DAPK3: variants seen among roughly 807,000 people sequenced by gnomAD.
DAPK3 encodes death associated protein kinase 3, also known as death-associated protein kinase 3.
Under a neutral mutation model 30.6 loss-of-function variants are expected in DAPK3, and 24 were observed. The observed-to-expected ratio is 0.78, with a 90% confidence interval of 0.57 to 1.10. DAPK3 has a LOEUF of 1.10. DAPK3 is among the 50% of genes least tolerant of loss of function. The pLI is 0.00. For missense variants in DAPK3, 629 were observed against 657.3 expected (o/e 0.96, Z 0.47); for synonymous variants, 341 against 284.0 (o/e 1.20, Z -2.02).
chr19:3,967,133 G>A (rs2039586465), intron 2 of DAPK3, among the ~76,000 whole-genome samples: 1 of 152,304 alleles, frequency 6.6e-6, no homozygotes, highest in Middle Eastern at 3.4e-3. Flanking sequence ...AATTTCTACT[G>A]ATAGAGTTCA....
chr19:3,962,491 G>C (rs1351553546), intron 6 of DAPK3, among the ~76,000 whole-genome samples: 1 of 152,154 alleles, frequency 6.6e-6, no homozygotes, highest in African/African-American at 2.4e-5. Context: ...TTAAAAATTA[G>C]CCAGCTGGGC....
Position 3,965,005 on chromosome 19 carries a change from AG to A in DAPK3, c.63-15del. 6.8e-7 allele frequency: 1 copy of A among 1,470,610 alleles called. No individual in the cohort carries two copies. The highest frequency in any genetic ancestry group is 9.4e-7 in the Non-Finnish European group (1 of 1,062,234). 91.1% of individuals were successfully genotyped at this position (1,470,610 alleles called of 1,614,324 possible). A position where few individuals can be genotyped will look rare whatever the true frequency, so the allele number is the denominator to read the frequency against. ...GCAAACTGGCCGCTGGAGGAGGGGG[AG>A]GGAGTGAGTGGGGGTGGAGGAGGCG... On this transcript the variant is annotated splice_polypyrimidine_tract_variant and intron_variant, in intron 2 of 8. Transcript: ENST00000545797.
In DAPK3 at chr19:3,964,337, T is replaced by TGGGCA; in HGVS notation, c.455_459dup (p.Asn154CysfsTer38). The TGGGCA allele has an allele frequency of 2.5e-6, 4 of 1,613,524 alleles. No individual in the cohort carries two copies. Among genetic ancestry groups the TGGGCA allele is most frequent in the Non-Finnish European group, 3.4e-6 (4 of 1,179,486 alleles). ...AAGTCGATGAGCTTGATTCGTGGGT[T>TGGGCA]GGGCACGTTCTTGTCCAGCAGCATG... On this transcript the variant is annotated frameshift_variant, in exon 4 of 9. Coordinates refer to ENST00000545797, the MANE Select transcript of DAPK3 (RefSeq NM_001348.3). LOFTEE classifies it high-confidence loss of function.
chr19:3,961,748 A>G (rs1268397703), intron 6 of DAPK3: 1 of 335,658 alleles, frequency 3.0e-6, no homozygotes, highest in Middle Eastern at 1.1e-3. Flanking sequence ...CAGACAGAGG[A>G]ACAGCCTCAG....
At position 3,965,002 on chromosome 19, in the gene DAPK3, GGGAGGGAGTGAGTGGGGGTGGAGGAGGC is replaced by G. The variant is rs781629088; in HGVS notation, c.63-39_63-12del. On this transcript the variant is annotated splice_polypyrimidine_tract_variant and intron_variant, in intron 2 of 8. Coordinates refer to ENST00000545797, the MANE Select transcript of DAPK3 (RefSeq NM_001348.3). ...ATCGCAAACTGGCCGCTGGAGGAGG[GGGAGGGAGTGAGTGGGGGTGGAGGAGGC>G]GGAGGGAGTAAGTGGGGGTGGCTGG... 1.5e-5 allele frequency: 23 copies of G among 1,550,296 alleles called. No individual in the cohort carries two copies. Among genetic ancestry groups the G allele is most frequent in the South Asian group, 1.2e-4 (11 of 89,050 alleles).
At position 3,959,930 on chromosome 19, in the gene DAPK3, C is replaced by G. The variant is rs550920826; in HGVS notation, c.828+129G>C. 143 of 745,492 alleles carry G rather than the reference C, an allele frequency of 1.9e-4. No individual in the cohort carries two copies. The East Asian group carries it at 2.6e-3, about 13-fold the overall frequency. The allele number at this position is 745,492 out of a possible 1,614,324, so 46.2% of individuals were successfully genotyped here. On this transcript the variant is annotated intron_variant, in intron 8 of 8. Transcript: ENST00000545797. ...CCAACCCCCGCCACACAGGCTCACT[C>G]CTCTGGGGACCCTCCCCAGCCACTG...
chr19:3,961,112 T>C lies in DAPK3; in HGVS notation c.679A>G (p.Thr227Ala). ...FLGETKQETLTNISAVNYDFD... is the reference protein window; with the variant it reads ...FLGETKQETLANISAVNYDFD... ...TCGTAGTTCACGGCTGAGATGTTGG[T>C]GAGCGTCTCCTGCTTGGTCTCGCCC... Residue 227 changes from threonine (T) to alanine (A), a missense_variant, in exon 7 of 9, where the codon ACC becomes GCC. By Grantham distance (58) the Thr-to-Ala change is moderately conservative. Coordinates refer to ENST00000545797, the MANE Select transcript of DAPK3 (RefSeq NM_001348.3). The C allele has an allele frequency of 6.2e-7, 1 of 1,613,394 alleles. No homozygotes were observed. The highest frequency in any genetic ancestry group is 8.5e-7 in the Non-Finnish European group (1 of 1,179,678).
intron 8 of DAPK3, 38 bp from the exon 9 acceptor site, chr19:3,959,675 G>A (rs1568189760): frequency 3.3e-6 from 5 of 1,507,528 alleles, no homozygotes; most frequent in South Asian, 1.3e-5. Context: ...TCCCCGCGAT[G>A]CCACCCAGCC....
Position 3,960,093 on chromosome 19 carries a change from G to A in DAPK3, c.794C>T (p.Thr265Ile). Residue 265 changes from threonine to isoleucine, a missense_variant, in exon 8 of 9, where the codon ACC becomes ATC. Coordinates refer to ENST00000545797, the MANE Select transcript of DAPK3 (RefSeq NM_001348.3). Reference sequence around the variant, plus strand: ...GGAATGTTCCAGGCTCTGGGCAATGGTCATTCTCCGCCTGGAAGACCCCCG... The same window carrying A: ...GGAATGTTCCAGGCTCTGGGCAATGATCATTCTCCGCCTGGAAGACCCCCG... ...LLVKDPKRRM[T>I]IAQSLEHSWI... The A allele has an allele frequency of 5.1e-6, 8 of 1,562,228 alleles. No individual in the cohort carries two copies. Among genetic ancestry groups the A allele is most frequent in the Non-Finnish European group, 7.1e-6 (8 of 1,133,090 alleles).
In DAPK3 at chr19:3,963,663, G is replaced by C; in HGVS notation, c.609C>G (p.Ile203Met). Residue 203 changes from isoleucine (I) to methionine (M), a missense_variant, in exon 6 of 9, where the codon ATC becomes ATG. Physicochemically the swap from Ile to Met is conservative, Grantham distance 10 (BLOSUM62 1). Coordinates refer to ENST00000545797, the MANE Select transcript of DAPK3 (RefSeq NM_001348.3). ...PLGLEADMWS[I>M]GVITYILLSG... is the part of the protein sequence containing the mutation. ...CTCACAGGATATAGGTGATGACACC[G>C]ATGCTCCTGGGGACAGACAAGAGGC... The C allele has an allele frequency of 2.0e-6, 3 of 1,533,924 alleles. No homozygotes were observed. Among genetic ancestry groups the C allele is most frequent in the Non-Finnish European group, 2.6e-6 (3 of 1,141,342 alleles).
chr19:3,962,663 G>A (rs1672549412), intron 6 of DAPK3, among the ~76,000 whole-genome samples: 1 of 152,012 alleles, frequency 6.6e-6, no homozygotes, highest in African/African-American at 2.4e-5. Flanking sequence ...TGTAATCCCA[G>A]CTACTTGGGA....
rs2039627904 is a variant in DAPK3, at chr19:3,970,976, C to G, written c.-150G>C. The G allele has an allele frequency of 6.5e-6, 1 of 153,250 alleles. No homozygotes were observed. Among genetic ancestry groups the G allele is most frequent in the African/African-American group, 2.4e-5 (1 of 41,470 alleles). 9.5% of individuals were successfully genotyped at this position (153,250 alleles called of 1,614,324 possible). ...CTCCGCGGGCCCCCGAAGCGCCGCT[C>G]TGGCCCCACCCAGCCCTCCAGCCTC... On this transcript the variant is annotated 5_prime_UTR_variant, in exon 1 of 9. Coordinates refer to ENST00000545797, the MANE Select transcript of DAPK3 (RefSeq NM_001348.3).
rs2039551779 is a variant in DAPK3 at position 3,964,347 on chromosome 19, C to T, written c.450G>A (p.Lys150=). The change falls in exon 4 of 9, where the codon AAG becomes AAA. Residue 150 remains lysine, a synonymous_variant. Coordinates refer to ENST00000545797, the MANE Select transcript of DAPK3 (RefSeq NM_001348.3). ...GCTTGATTCGTGGGTTGGGCACGTTCTTGTCCAGCAGCATGATGTTTTCCG... is the reference window on the plus strand; with the variant it reads ...GCTTGATTCGTGGGTTGGGCACGTTTTTGTCCAGCAGCATGATGTTTTCCG... ...LKPENIMLLD[K]NVPNPRIKLI... 1 of 1,613,514 alleles carries T rather than the reference C, an allele frequency of 6.2e-7. No homozygotes were observed. The highest frequency in any genetic ancestry group is 1.7e-5 in the Admixed American group (1 of 60,014).
In DAPK3 at chr19:3,959,574, T is replaced by C. The variant is rs1239907738; in HGVS notation, c.892A>G (p.Lys298Glu). 6.3e-7 allele frequency: 1 copy of C among 1,583,736 alleles called. No individual in the cohort carries two copies. The change falls in exon 9 of 9, where the codon AAG (lysine) becomes GAG (glutamate). Residue 298 changes from lysine (K) to glutamate (E), a missense_variant. By Grantham distance (56) the Lys-to-Glu change is moderately conservative. This residue lies in a region of DAPK3 where 323 missense variants were observed against 278.8 expected (regional missense o/e 1.16). Transcript: ENST00000545797. ...GTGTACTCCTTCAGACGCGTGGTCTTCAGGCGCCGCCGCTCGGGCTTGCGG... is the reference window on the plus strand; with the variant it reads ...GTGTACTCCTTCAGACGCGTGGTCTCCAGGCGCCGCCGCTCGGGCTTGCGG... The part of the protein sequence containing the change: ...SGRKPERRRL[K>E]TTRLKEYTIK...
chr19:3,964,304 C>T lies in DAPK3; in HGVS notation c.493G>A (p.Ala165Thr), dbSNP rs1438429756. The change falls in exon 4 of 9, where the codon GCG becomes ACG. Residue 165 changes from alanine (A) to threonine (T), a missense_variant. Ala to Thr is a moderately conservative substitution (Grantham distance 58). Coordinates refer to ENST00000545797, the MANE Select transcript of DAPK3 (RefSeq NM_001348.3). The stretch of plus-strand genomic sequence containing the variant: ...TCGTTCCCCGCCTCGATCTTGTGCG[C>T]GATGCCGAAGTCGATGAGCTTGATT... Reference protein sequence around the residue: ...PRIKLIDFGIAHKIEAGNEFK... With the variant: ...PRIKLIDFGITHKIEAGNEFK... 5 of 1,613,432 alleles carry T rather than the reference C, an allele frequency of 3.1e-6. No individual in the cohort carries two copies. The highest frequency in any genetic ancestry group is 4.2e-6 in the Non-Finnish European group (5 of 1,179,482).
chr19:3,968,681 G>A (rs376490462), intron 2 of DAPK3, among the ~76,000 whole-genome samples: 33 of 152,314 alleles, frequency 2.2e-4, no homozygotes, highest in African/African-American at 7.5e-4. Flanking sequence ...AGAAGGGGGA[G>A]GAGGGAGCAT....
chr19:3,961,492 C>A (rs1171104984), intron 6 of DAPK3: 1 of 542,142 alleles, frequency 1.8e-6, no homozygotes, highest in African/African-American at 1.9e-5. Context: ...CAGTGGGGAG[C>A]CCGAGCCAAC....
intron 2 of DAPK3, 107 bp downstream of exon 2, chr19:3,969,567 T>G: frequency 2.7e-6 from 2 of 754,138 alleles, no homozygotes; most frequent in South Asian, 3.2e-5. Context: ...GACTCATTCC[T>G]TCTCAGCATA....
At chr19:3,959,998 G>A (rs374921992) in intron 8 of DAPK3, 61 bp downstream of exon 8, 106 of 938,532 alleles carry the variant, frequency 1.1e-4, no homozygotes, top group Non-Finnish European at 1.5e-4. Context: ...AAGGCCCCCC[G>A]GGACCCCAGC....
Sources: gnomAD v4.1 joint callset for allele counts (sites outside exome capture counted in the v4.1 genomes callset) on GRCh38, gnomAD v4.1.1 for gene constraint, gnomAD v4.1.1 regional missense constraint, MANE v1.5 for transcripts, NCBI Gene and HGNC (gene_info 2026-07-23, HGNC 2026-07-21) for gene names.